Variants in LRMDA observed in about 807,000 individuals in gnomAD.
LRMDA encodes leucine-rich melanocyte differentiation-associated protein.
In LRMDA, 18 loss-of-function variants were observed where a neutral mutation model predicts 29.8. The observed-to-expected ratio is 0.60, with a 90% CI of 0.42 to 0.90. The LOEUF (loss-of-function observed/expected upper bound fraction) is 0.90. LRMDA is among the 40% of genes least tolerant of loss of function. LRMDA has a pLI of 0.00. For missense variants in LRMDA, 273 were observed against 273.9 expected (o/e 1.00, Z 0.02); for synonymous variants, 125 against 109.4 (o/e 1.14, Z -0.89).
At chr10:76,021,594 A>C (rs547175990) in intron 2 of LRMDA, among the ~76,000 whole-genome samples, 1 of 152,268 alleles carries the variant, frequency 6.6e-6, no homozygotes, top group South Asian at 2.1e-4. Flanking sequence ...TGCTTCAGTG[A>C]ACCATCAGGA....
rs77908074 is a variant in LRMDA at position 76,181,327 on chromosome 10, T to C, written c.516+122544T>C. Among the ~76,000 whole-genome samples, 478 of 152,340 alleles carry C rather than the reference T, an allele frequency of 3.1e-3. 2 individuals are homozygous for C. The highest frequency in any genetic ancestry group is 8.2e-3 in the African/African-American group (343 of 41,584). On this transcript the variant is annotated intron_variant, in intron 5 of 6. Transcript: ENST00000611255. ...TCATCAATTGCTTTGTTTGTGCTTT[T>C]CCCCAGGATCTCAGTTGGCTTTGAG...
At chr10:76,321,508 T>C (rs2132394379) in intron 5 of LRMDA, among the ~76,000 whole-genome samples, 1 of 150,166 alleles carries the variant, frequency 6.7e-6, no homozygotes, top group African/African-American at 2.5e-5. Flanking sequence ...CCTTTGTCTA[T>C]TTTTCTATTG....
chr10:75,917,366 C>G (rs1845951460), intron 2 of LRMDA, among the ~76,000 whole-genome samples: 1 of 152,180 alleles, frequency 6.6e-6, no homozygotes, highest in South Asian at 2.1e-4. Flanking sequence ...GAAGCTCATC[C>G]TGGGAGTGGG....
intron 6 of LRMDA, among the ~76,000 whole-genome samples, chr10:76,373,461 G>A (rs923535881): frequency 6.6e-6 from 1 of 152,112 alleles, no homozygotes; most frequent in African/African-American, 2.4e-5. Flanking sequence ...ATAGGAGTTT[G>A]TAGTATCCTG....
rs186962816 is a variant in LRMDA at position 75,578,715 on chromosome 10, A to G, written c.131+140221A>G. Among the ~76,000 whole-genome samples, 259 of 152,332 alleles carry G rather than the reference A, an allele frequency of 1.7e-3. 1 individual carries two copies. The highest frequency in any genetic ancestry group is 6.0e-3 in the African/African-American group (249 of 41,574). Reference sequence around the variant, plus strand: ...CAGTCTGTCAGACCACAGTGCAATCAAATTAGAACTCAGGATTAAGAAACG... The same window carrying G: ...CAGTCTGTCAGACCACAGTGCAATCGAATTAGAACTCAGGATTAAGAAACG... On this transcript the variant is annotated intron_variant, in intron 2 of 6. Transcript: ENST00000611255.
At chr10:76,423,010 A>G (rs1842086163) in intron 6 of LRMDA, among the ~76,000 whole-genome samples, 2 of 152,212 alleles carry the variant, frequency 1.3e-5, no homozygotes, top group African/African-American at 4.8e-5. Flanking sequence ...GTTATATCCT[A>G]TTTTATCTAA....
chr10:75,595,899 T>C (rs1166250832), intron 2 of LRMDA, among the ~76,000 whole-genome samples: 1 of 152,194 alleles, frequency 6.6e-6, no homozygotes, highest in Non-Finnish European at 1.5e-5. Context: ...CTTCATTTTT[T>C]TCTTTTTACT....
chr10:76,119,719 A>G (rs1589335835), intron 5 of LRMDA, among the ~76,000 whole-genome samples: 1 of 152,204 alleles, frequency 6.6e-6, no homozygotes. Flanking sequence ...CCAGGAAAGC[A>G]GCACTCTGGA....
chr10:75,730,198 T>C (rs1842679348), intron 2 of LRMDA, among the ~76,000 whole-genome samples: 1 of 152,224 alleles, frequency 6.6e-6, no homozygotes, highest in Non-Finnish European at 1.5e-5. Flanking sequence ...CTGAAAGCAC[T>C]GTGACCATTC....
chr10:76,537,598 C>A (rs1201394148), intron 6 of LRMDA, among the ~76,000 whole-genome samples: 2 of 152,216 alleles, frequency 1.3e-5, no homozygotes, highest in East Asian at 3.9e-4. Context: ...GAGCCAGTGA[C>A]ACTGCACCGC....
intron 6 of LRMDA, among the ~76,000 whole-genome samples, chr10:76,529,758 T>C (rs1247774012): frequency 6.6e-6 from 1 of 152,138 alleles, no homozygotes; most frequent in Non-Finnish European, 1.5e-5. Context: ...CTATAGCTCT[T>C]TTGGGTAGAA....
intron 2 of LRMDA, among the ~76,000 whole-genome samples, chr10:75,959,499 A>G (rs952493608): frequency 1.5e-5 from 2 of 136,522 alleles, no homozygotes; most frequent in African/African-American, 5.8e-5. Flanking sequence ...ACATATGCAC[A>G]TGTGCGCGCA....
intron 5 of LRMDA, among the ~76,000 whole-genome samples, chr10:76,191,322 TC>T (rs1589369978): frequency 6.6e-6 from 1 of 152,182 alleles, no homozygotes; most frequent in African/African-American, 2.4e-5. Context: ...GTGTTGAGTG[TC>T]CCCTCCCCAT....
At chr10:76,530,176 G>A (rs982760753) in intron 6 of LRMDA, among the ~76,000 whole-genome samples, 1 of 152,170 alleles carries the variant, frequency 6.6e-6, no homozygotes, top group Non-Finnish European at 1.5e-5. Flanking sequence ...TGGAATGCAG[G>A]AAGAGTCTAA....
chr10:75,957,222 G>A (rs576105973), intron 2 of LRMDA, among the ~76,000 whole-genome samples: 3 of 152,328 alleles, frequency 2.0e-5, no homozygotes, highest in African/African-American at 7.2e-5. Context: ...TAGCTGAACC[G>A]TTAGTGGGCT....
At chr10:76,184,796 A>T (rs1315220259) in intron 5 of LRMDA, among the ~76,000 whole-genome samples, 1 of 152,196 alleles carries the variant, frequency 6.6e-6, no homozygotes, top group Non-Finnish European at 1.5e-5. Flanking sequence ...TAATGACCCA[A>T]ACAAGAAAGA....
At chr10:76,419,115 C>A (rs2132518295) in intron 6 of LRMDA, among the ~76,000 whole-genome samples, 1 of 152,160 alleles carries the variant, frequency 6.6e-6, no homozygotes, top group South Asian at 2.1e-4. Flanking sequence ...TGGTTGACAT[C>A]AGGGTTCACT....
chr10:76,053,957 C>A (rs1848570132), intron 4 of LRMDA, among the ~76,000 whole-genome samples: 1 of 152,192 alleles, frequency 6.6e-6, no homozygotes, highest in African/African-American at 2.4e-5. Flanking sequence ...TGGGGCCCTG[C>A]CATCTGTGTG....
In LRMDA at chr10:76,557,290, G is replaced by A. The variant is rs148565780; in HGVS notation, c.*2G>A. ...TTTATCCGAGATGACCAGCTCTGAA[G>A]CCAACTTCTGTATACCTTCACCCAT... On this transcript the variant is annotated 3_prime_UTR_variant, in exon 7 of 7. Transcript: ENST00000611255. The A allele has an allele frequency of 9.9e-6, 16 of 1,610,280 alleles. No homozygotes were observed. The African/African-American group carries it at 1.2e-4, about 12-fold the overall frequency.
Sources: gnomAD v4.1 joint callset for allele counts (sites outside exome capture counted in the v4.1 genomes callset) on GRCh38, gnomAD v4.1.1 for gene constraint, MANE v1.5 for transcripts, NCBI Gene and HGNC (gene_info 2026-07-23, HGNC 2026-07-21) for gene names.